Variants in ZNF385B observed in about 807,000 individuals in gnomAD.
ZNF385B encodes the protein zinc finger protein 385B.
ZNF385B carries 23 observed loss-of-function variants against 39.2 expected under a neutral mutation model. The observed-to-expected ratio is 0.59, with a 90% CI of 0.42 to 0.83. ZNF385B has a LOEUF of 0.83. Ranked by LOEUF, ZNF385B falls within the 40% of genes least tolerant of loss-of-function variation. The pLI is 0.00. For missense variants in ZNF385B, 552 were observed against 598.9 expected, an observed-to-expected ratio of 0.92 and a Z score of 0.82; for synonymous variants, 205 against 222.6, an observed-to-expected ratio of 0.92 and a Z score of 0.70.
At chr2:179,676,023 G>A (rs1696722533) in intron 3 of ZNF385B, among the ~76,000 whole-genome samples, 1 of 149,816 alleles carries the variant, frequency 6.7e-6, no homozygotes, top group South Asian at 2.1e-4. Flanking sequence ...TCCTGACCTC[G>A]TGATTGGCCC....
At chr2:179,547,733 T>C (rs1204794860) in intron 3 of ZNF385B, among the ~76,000 whole-genome samples, 1 of 149,724 alleles carries the variant, frequency 6.7e-6, no homozygotes, top group Non-Finnish European at 1.5e-5. Context: ...TTTAGGATAG[T>C]CTGTTCTATG....
intron 3 of ZNF385B, among the ~76,000 whole-genome samples, chr2:179,639,956 G>A (rs1692117535): frequency 6.6e-6 from 1 of 152,180 alleles, no homozygotes; most frequent in Non-Finnish European, 1.5e-5. Context: ...GAAGGACACA[G>A]CATTACCTGT....
At chr2:179,545,675 T>G (rs2060189261) in intron 3 of ZNF385B, among the ~76,000 whole-genome samples, 1 of 152,204 alleles carries the variant, frequency 6.6e-6, no homozygotes, top group Admixed American at 6.5e-5. Context: ...TTGTTTTGTA[T>G]TATTGTAGCA....
chr2:179,784,040 C>T (rs558901230), intron 1 of ZNF385B, among the ~76,000 whole-genome samples: 59 of 152,224 alleles, frequency 3.9e-4, no homozygotes, highest in Non-Finnish European at 4.1e-4. Flanking sequence ...CACTGCAACA[C>T]TATTCACAAT....
At chr2:179,837,703 G>A (rs1575580069) in intron 1 of ZNF385B, among the ~76,000 whole-genome samples, 1 of 152,134 alleles carries the variant, frequency 6.6e-6, no homozygotes, top group Non-Finnish European at 1.5e-5. Flanking sequence ...ACAACAAAGT[G>A]CTTGCATGGT....
chr2:179,809,589 T>C (rs1375032291), intron 1 of ZNF385B, among the ~76,000 whole-genome samples: 1 of 152,036 alleles, frequency 6.6e-6, no homozygotes, highest in Non-Finnish European at 1.5e-5. Flanking sequence ...CAACTACAGA[T>C]AAAAGCTGTT....
chr2:179,684,576 A>T (rs1654796240), intron 3 of ZNF385B, among the ~76,000 whole-genome samples: 1 of 152,218 alleles, frequency 6.6e-6, no homozygotes, highest in East Asian at 1.9e-4. Flanking sequence ...TTACACTCAC[A>T]TCTACCTTAT....
At chr2:179,450,108 G>A (rs2049943680) in intron 6 of ZNF385B, among the ~76,000 whole-genome samples, 2 of 151,586 alleles carry the variant, frequency 1.3e-5, no homozygotes, top group Admixed American at 1.3e-4. Context: ...AATTCAAGAT[G>A]GATTAAAGAC....
chr2:179,856,206 A>G lies in ZNF385B; in HGVS notation c.-155+4895T>C, dbSNP rs374341007. ...ATTCATTTTCTTAAGAAATAAGAAT[A>G]TTTCTTCAATTAGTGCTAGAATAAC... On this transcript the variant is annotated intron_variant, in intron 1 of 9. Transcript: ENST00000410066. 4.6e-5 allele frequency among the ~76,000 whole-genome samples: 7 copies of G among 152,188 alleles called. No individual in the cohort carries two copies. In the East Asian group the frequency reaches 9.6e-4, roughly 21 times the overall value.
intron 3 of ZNF385B, among the ~76,000 whole-genome samples, chr2:179,598,818 T>C (rs1414652268): frequency 6.6e-6 from 1 of 152,160 alleles, no homozygotes; most frequent in African/African-American, 2.4e-5. Context: ...CTTAACTTTA[T>C]TGTTCAACTT....
intron 5 of ZNF385B, among the ~76,000 whole-genome samples, chr2:179,508,938 A>G (rs899648633): frequency 3.3e-5 from 5 of 151,052 alleles, no homozygotes; most frequent in African/African-American, 4.9e-5. Flanking sequence ...TTTATGCGTC[A>G]TCATAATCAC....
chr2:179,487,564 A>G (rs550595004), intron 5 of ZNF385B, among the ~76,000 whole-genome samples: 21 of 152,344 alleles, frequency 1.4e-4, no homozygotes, highest in African/African-American at 5.1e-4. Context: ...GAGTGAAAGA[A>G]ACAAGGACAG....
At chr2:179,831,861 C>G (rs1196407229) in intron 1 of ZNF385B, among the ~76,000 whole-genome samples, 1 of 152,190 alleles carries the variant, frequency 6.6e-6, no homozygotes, top group Non-Finnish European at 1.5e-5. Flanking sequence ...CATAAAGAGA[C>G]TGATAGAGAA....
At chr2:179,564,906 C>T (rs1216741298) in intron 3 of ZNF385B, among the ~76,000 whole-genome samples, 1 of 152,144 alleles carries the variant, frequency 6.6e-6, no homozygotes, top group South Asian at 2.1e-4. Flanking sequence ...AAGGATATTT[C>T]TTCTCTGCTG....
intron 3 of ZNF385B, among the ~76,000 whole-genome samples, chr2:179,617,438 T>G (rs1446156164): frequency 3.3e-5 from 5 of 152,214 alleles, no homozygotes; most frequent in African/African-American, 1.2e-4. Context: ...ATCAGAAAAT[T>G]GTAAAGCATT....
intron 6 of ZNF385B, among the ~76,000 whole-genome samples, chr2:179,480,707 T>C (rs2105580555): frequency 6.6e-6 from 1 of 152,164 alleles, no homozygotes; most frequent in Non-Finnish European, 1.5e-5. Context: ...CTTTTTTTTT[T>C]TTAAGTGCCA....
intron 1 of ZNF385B, among the ~76,000 whole-genome samples, chr2:179,833,234 C>T (rs954603136): frequency 6.6e-6 from 1 of 151,742 alleles, no homozygotes; most frequent in African/African-American, 2.4e-5. Context: ...CCAAATGTGC[C>T]CATATTTTGA....
intron 1 of ZNF385B, among the ~76,000 whole-genome samples, chr2:179,851,212 A>G (rs1684119187): frequency 6.6e-6 from 1 of 152,224 alleles, no homozygotes; most frequent in Non-Finnish European, 1.5e-5. Flanking sequence ...ATGCTGTGGG[A>G]GGACAAGGCA....
At chr2:179,481,141 G>C (rs775659266) in intron 6 of ZNF385B, 2 of 152,142 alleles carry the variant, frequency 1.3e-5, no homozygotes, top group African/African-American at 2.4e-5. Context: ...CTTTATCCTG[G>C]TGTTTTCCAA....
Sources: allele counts gnomAD v4.1 joint callset (sites outside exome capture counted in the v4.1 genomes callset), GRCh38; gene constraint gnomAD v4.1.1; transcripts MANE v1.5; gene names NCBI Gene and HGNC (gene_info 2026-07-23, HGNC 2026-07-21).